KSR2: variants seen among roughly 807,000 people sequenced by gnomAD.
KSR2 encodes the protein kinase suppressor of ras 2.
In KSR2, 25 loss-of-function variants were observed where a neutral mutation model predicts 107.8. The observed-to-expected ratio is 0.23, with a 90% CI of 0.17 to 0.32. KSR2 has a LOEUF of 0.32. KSR2 is among the 10% of genes least tolerant of loss of function. The probability of loss-of-function intolerance (pLI) is 1.00; values close to 1 mark genes in which losing one functional copy is unlikely to be tolerated. For missense variants in KSR2, 887 were observed against 1,268.9 expected, an observed-to-expected ratio of 0.70 and a Z score of 4.57; for synonymous variants, 480 against 507.0, an observed-to-expected ratio of 0.95 and a Z score of 0.71.
At chr12:117,591,037 C>T (rs897222097) in intron 5 of KSR2, among the ~76,000 whole-genome samples, 7 of 152,156 alleles carry the variant, frequency 4.6e-5, no homozygotes, top group African/African-American at 1.2e-4. Context: ...AATCCTAGCA[C>T]CCTGTGAGGT....
At chr12:117,784,629 G>C (rs902109034) in intron 3 of KSR2, among the ~76,000 whole-genome samples, 23 of 152,034 alleles carry the variant, frequency 1.5e-4, no homozygotes, top group Non-Finnish European at 2.9e-4. Context: ...TTGCACCCAT[G>C]GGTTTTTTTC....
intron 5 of KSR2, among the ~76,000 whole-genome samples, chr12:117,584,672 TC>T (rs1235798230): frequency 6.6e-6 from 1 of 152,206 alleles, no homozygotes; most frequent in African/African-American, 2.4e-5. Context: ...CATCACCACC[TC>T]AAAGCATCGT....
intron 3 of KSR2, among the ~76,000 whole-genome samples, chr12:117,796,116 T>TGGG (rs144476901): frequency 6.6e-6 from 1 of 151,938 alleles, no homozygotes; most frequent in African/African-American, 2.4e-5. Flanking sequence ...TTTGTAGAGA[T>TGGG]GGGGGAGTCT....
In KSR2 at chr12:117,740,453, AG is replaced by A. The variant is rs1161972088; in HGVS notation, c.986+20557del. ...ATATATTACATTAATATATGTATAT[AG>A]TACATATATTATATGTAATATATAA... On this transcript the variant is annotated intron_variant, in intron 4 of 19. Coordinates refer to ENST00000339824, the MANE Select transcript of KSR2 (RefSeq NM_173598.6). Among the ~76,000 whole-genome samples the A allele has an allele frequency of 9.9e-5, 9 of 90,956 alleles. 1 individual carries two copies. The highest frequency in any genetic ancestry group is 2.1e-4 in the African/African-American group (6 of 28,910). 59.7% of individuals were successfully genotyped at this position (90,956 alleles called of 152,430 possible). A position where few individuals can be genotyped will look rare whatever the true frequency, so the allele number is the denominator to read the frequency against.
At chr12:117,838,277 C>T (rs1892324054) in intron 3 of KSR2, among the ~76,000 whole-genome samples, 1 of 152,226 alleles carries the variant, frequency 6.6e-6, no homozygotes, top group African/African-American at 2.4e-5. Context: ...ACGCAATTCT[C>T]CTGCCTCAGC....
chr12:117,916,749 C>A (rs183087945), intron 1 of KSR2, among the ~76,000 whole-genome samples: 1 of 152,140 alleles, frequency 6.6e-6, no homozygotes, highest in South Asian at 2.1e-4. Flanking sequence ...CTGAGGCTCA[C>A]CAAAGACAAA....
At chr12:117,732,480 G>A (rs1887771163) in intron 4 of KSR2, among the ~76,000 whole-genome samples, 2 of 151,992 alleles carry the variant, frequency 1.3e-5, no homozygotes, top group Admixed American at 1.3e-4. Flanking sequence ...AGTAGAGATG[G>A]GGTTTCACCA....
chr12:117,514,576 A>C, intron 14 of KSR2, among the ~76,000 whole-genome samples: 1 of 120,854 alleles, frequency 8.3e-6, no homozygotes, highest in Non-Finnish European at 1.7e-5. Flanking sequence ...ACAGGGTTTC[A>C]CTCTGTTGCC....
rs1424148175 is a variant in KSR2 at position 117,455,942 on chromosome 12, T to C, written c.*11257A>G. On this transcript the variant is annotated 3_prime_UTR_variant, in exon 20 of 20. Transcript: ENST00000339824. ...ATTGGATGCCATCTTGGAAGTGGAG[T>C]CAGAGAAGCTCATGTGACAGCATGC... is the stretch of plus-strand genomic sequence containing the variant. 1 of 152,166 alleles carries C rather than the reference T, an allele frequency of 6.6e-6. No homozygotes were observed. The highest frequency in any genetic ancestry group is 2.4e-5 in the African/African-American group (1 of 41,442). The allele number at this position is 152,166 out of a possible 1,614,324, so 9.4% of individuals were successfully genotyped here.
At chr12:117,683,842 G>T (rs1287019940) in intron 4 of KSR2, among the ~76,000 whole-genome samples, 1 of 152,158 alleles carries the variant, frequency 6.6e-6, no homozygotes, top group Non-Finnish European at 1.5e-5. Flanking sequence ...AAATACCTTC[G>T]GCTTTGCAAG....
At chr12:117,855,650 G>A in intron 2 of KSR2, 72 bp from the exon 3 acceptor site, 1 of 1,483,956 alleles carries the variant, frequency 6.7e-7, no homozygotes, top group Non-Finnish European at 9.3e-7. Context: ...GCCCTGTAGT[G>A]GTGCCTAGAG....
chr12:117,585,842 T>A (rs1879954466), intron 5 of KSR2, among the ~76,000 whole-genome samples: 1 of 152,236 alleles, frequency 6.6e-6, no homozygotes, highest in African/African-American at 2.4e-5. Flanking sequence ...ATTTTGTGCA[T>A]CCCTGGTGCC....
At chr12:117,873,752 C>T (rs1336311097) in intron 1 of KSR2, among the ~76,000 whole-genome samples, 7 of 152,054 alleles carry the variant, frequency 4.6e-5, no homozygotes, top group Admixed American at 3.9e-4. Flanking sequence ...TGAACCACGG[C>T]GCCTGGCTGA....
chr12:117,592,267 C>A (rs545133973), intron 5 of KSR2, among the ~76,000 whole-genome samples: 3 of 152,060 alleles, frequency 2.0e-5, no homozygotes, highest in Admixed American at 6.5e-5. Context: ...GTACCCACAA[C>A]CACGACTGGC....
chr12:117,602,198 G>A (rs1214758524), intron 5 of KSR2, among the ~76,000 whole-genome samples: 3 of 151,976 alleles, frequency 2.0e-5, no homozygotes, highest in East Asian at 3.9e-4. Flanking sequence ...ACAGGCAGTG[G>A]GCCAGGTTTT....
chr12:117,567,190 C>A (rs1029439697), intron 7 of KSR2, among the ~76,000 whole-genome samples: 1 of 152,154 alleles, frequency 6.6e-6, no homozygotes, highest in Non-Finnish European at 1.5e-5. Flanking sequence ...CAGAAGGTGG[C>A]ACTTCAGATT....
intron 4 of KSR2, among the ~76,000 whole-genome samples, chr12:117,682,274 C>T (rs946493150): frequency 4.0e-5 from 6 of 151,188 alleles, no homozygotes; most frequent in South Asian, 2.1e-4. Flanking sequence ...ATTGCGGGGG[C>T]GGGGGGAGAG....
intron 4 of KSR2, among the ~76,000 whole-genome samples, chr12:117,721,394 G>A (rs951178983): frequency 1.3e-5 from 2 of 152,180 alleles, no homozygotes; most frequent in Non-Finnish European, 2.9e-5. Flanking sequence ...TAGTATAGAA[G>A]GCTATATGGT....
chr12:117,546,616 T>G (rs1455829805), intron 9 of KSR2, among the ~76,000 whole-genome samples: 1 of 152,198 alleles, frequency 6.6e-6, no homozygotes, highest in African/African-American at 2.4e-5. Flanking sequence ...CAATGTTAGA[T>G]TTTTTATTAT....
Sources: gnomAD v4.1 joint callset for allele counts (sites outside exome capture counted in the v4.1 genomes callset) on GRCh38, gnomAD v4.1.1 for gene constraint, MANE v1.5 for transcripts, NCBI Gene and HGNC (gene_info 2026-07-23, HGNC 2026-07-21) for gene names.